The following AGAP1 variants were observed in gnomAD, a reference collection of about 807,000 sequenced individuals.
AGAP1 encodes ArfGAP with GTPase domain, ankyrin repeat and PH domain 1, also known as arf-GAP with GTPase, ANK repeat and PH domain-containing protein 1.
AGAP1 carries 29 observed loss-of-function variants against 105.3 expected under a neutral mutation model. The observed-to-expected ratio is 0.28, with a 90% CI of 0.21 to 0.38. AGAP1 has a LOEUF of 0.38. Ranked by LOEUF, AGAP1 falls within the 10% of genes least tolerant of loss-of-function variation. The pLI is 1.00. For synonymous variants in AGAP1, 509 were observed against 485.9 expected (o/e 1.05, Z -0.63); for missense variants, 998 against 1,165.1 (o/e 0.86, Z 2.09).
Position 236,102,153 on chromosome 2 carries a change from C to T in AGAP1, c.2115-18039C>T, listed in dbSNP as rs372842208. Among the ~76,000 whole-genome samples, 6 of 152,224 alleles carry T rather than the reference C, an allele frequency of 3.9e-5. No individual in the cohort carries two copies. The South Asian group carries it at 1.2e-3, about 32-fold the overall frequency. On this transcript the variant is annotated intron_variant, in intron 16 of 17. Coordinates refer to ENST00000304032, the MANE Select transcript of AGAP1 (RefSeq NM_001037131.3). ...AAAAATTAGGCCGGGCGCGGTGGCT[C>T]ACGCCTGTAATCCCAGCACTTTGGG...
At position 235,965,010 on chromosome 2, in the gene AGAP1, C is replaced by T. The variant is rs2054333112; in HGVS notation, c.1484-3452C>T. On this transcript the variant is annotated intron_variant, in intron 12 of 17. Transcript: ENST00000304032. This position sits in a 1 kb window ranked among gnomAD's most constrained non-coding sequence, Gnocchi z 5.8. ...GCCCGCTCCCACCTCTGCAGTTCCA[C>T]CACAACCAAACTGTCATAGTGCAGG... Among the ~76,000 whole-genome samples the T allele has an allele frequency of 6.6e-6, 1 of 152,192 alleles. No homozygotes were observed. The highest frequency in any genetic ancestry group is 1.5e-5 in the Non-Finnish European group (1 of 68,040).
chr2:235,760,976 G>A (rs1344968049), intron 6 of AGAP1, among the ~76,000 whole-genome samples: 4 of 152,270 alleles, frequency 2.6e-5, no homozygotes, highest in South Asian at 2.1e-4. Context: ...AGGTGGGGGA[G>A]GGAATATCTT....
rs2058098155 is a variant in AGAP1, at chr2:236,058,150, AT to A, written c.2114+8871del. ...AACTCTCTAGGTAATTCTTATGCAC[AT>A]TAAAGTTTGAGACACTCTGGTCTGC... On this transcript the variant is annotated intron_variant, in intron 16 of 17. Coordinates refer to ENST00000304032, the MANE Select transcript of AGAP1 (RefSeq NM_001037131.3). This position sits in a 1 kb window ranked among gnomAD's most constrained non-coding sequence, Gnocchi z 4.6. Among the ~76,000 whole-genome samples, 1 of 152,214 alleles carries A rather than the reference AT, an allele frequency of 6.6e-6. No homozygotes were observed. Among genetic ancestry groups the A allele is most frequent in the Admixed American group, 6.5e-5 (1 of 15,282 alleles).
intron 11 of AGAP1, among the ~76,000 whole-genome samples, chr2:235,914,295 G>A (rs780613554): frequency 6.6e-6 from 1 of 152,094 alleles, no homozygotes; most frequent in African/African-American, 2.4e-5. Flanking sequence ...TGTGCCATTC[G>A]TCTCCATTGT....
chr2:235,802,413 G>C (rs896989237), intron 8 of AGAP1, among the ~76,000 whole-genome samples: 1 of 152,192 alleles, frequency 6.6e-6, no homozygotes, highest in African/African-American at 2.4e-5. Context: ...ACCAGTGTTT[G>C]TTATCTTTCT....
rs111454228 is a variant in AGAP1 at position 235,729,294 on chromosome 2, C to G, written c.310+11650C>G. On this transcript the variant is annotated intron_variant, in intron 3 of 17. Transcript: ENST00000304032. The surrounding 1 kb of genome is among the most constrained non-coding windows in gnomAD (Gnocchi z 5.0). ...TGATTCCCAGGTGTGTTTGGGCCGT[C>G]TAGAACCATGTGACCTGGCAGCCAC... Among the ~76,000 whole-genome samples, 10 of 152,276 alleles carry G rather than the reference C, an allele frequency of 6.6e-5. No individual in the cohort carries two copies. Among genetic ancestry groups the G allele is most frequent in the African/African-American group, 2.2e-4 (9 of 41,516 alleles).
rs1426620512 is a variant in AGAP1 at position 235,723,406 on chromosome 2, G to C, written c.310+5762G>C. Among the ~76,000 whole-genome samples, 3 of 152,222 alleles carry C rather than the reference G, an allele frequency of 2.0e-5. No individual in the cohort carries two copies. Among genetic ancestry groups the C allele is most frequent in the African/African-American group, 4.8e-5 (2 of 41,454 alleles). On this transcript the variant is annotated intron_variant, in intron 3 of 17. Transcript: ENST00000304032. The surrounding 1 kb of genome is among the most constrained non-coding windows in gnomAD (Gnocchi z 6.2). ...AAAGGAAACAAAGCTAGGATGTCCAGTATTATGTGGACATTAGATAGGAAA... is the reference window on the plus strand; with the variant it reads ...AAAGGAAACAAAGCTAGGATGTCCACTATTATGTGGACATTAGATAGGAAA...
chr2:235,592,116 C>G (rs1945363406), intron 1 of AGAP1, among the ~76,000 whole-genome samples: 1 of 152,230 alleles, frequency 6.6e-6, no homozygotes, highest in African/African-American at 2.4e-5. Flanking sequence ...CCCAGGGGCC[C>G]AGGCTTGCCT....
chr2:235,883,271 A>G lies in AGAP1; in HGVS notation c.1051-74A>G. ...GCACACACACAGAACTTGAATGTAT[A>G]TGTTGCCTGTGTACCTGCCTTTTCT... On this transcript the variant is annotated intron_variant, in intron 9 of 17. Coordinates refer to ENST00000304032, the MANE Select transcript of AGAP1 (RefSeq NM_001037131.3). This position sits in a 1 kb window ranked among gnomAD's most constrained non-coding sequence, Gnocchi z 4.5. 7.9e-7 allele frequency: 1 copy of G among 1,273,186 alleles called. No individual in the cohort carries two copies. Among genetic ancestry groups the G allele is most frequent in the Non-Finnish European group, 1.1e-6 (1 of 879,654 alleles). The allele number at this position is 1,273,186 out of a possible 1,614,324, so 78.9% of individuals were successfully genotyped here.
chr2:235,727,060 A>G (rs1020991107), intron 3 of AGAP1, among the ~76,000 whole-genome samples: 2 of 152,142 alleles, frequency 1.3e-5, no homozygotes. Context: ...GATTTTTGTC[A>G]ATAGCTACAG....
intron 1 of AGAP1, among the ~76,000 whole-genome samples, chr2:235,682,016 A>AT (rs1178366820): frequency 1.3e-5 from 2 of 151,322 alleles, no homozygotes; most frequent in East Asian, 2.0e-4. Flanking sequence ...CGCCCAGCTA[A>AT]TTTTTTTTGT....
chr2:236,017,271 C>T (rs965306157), intron 13 of AGAP1, among the ~76,000 whole-genome samples: 12 of 143,016 alleles, frequency 8.4e-5, no homozygotes, highest in East Asian at 8.1e-4. Context: ...GCAGCCTGGA[C>T]GACAGAGCGA....
chr2:235,840,768 G>T (rs1207709016), intron 9 of AGAP1, among the ~76,000 whole-genome samples: 2 of 146,614 alleles, frequency 1.4e-5, no homozygotes, highest in Non-Finnish European at 3.0e-5. Flanking sequence ...AGAAAGAAGA[G>T]TTTTTTTTTT....
chr2:235,717,589 T>C lies in AGAP1; in HGVS notation c.255T>C (p.Ser85=). 1 of 1,603,928 alleles carries C rather than the reference T, an allele frequency of 6.2e-7. No homozygotes were observed. The highest frequency in any genetic ancestry group is 8.5e-7 in the Non-Finnish European group (1 of 1,177,782). ...GIVGNLASGK[S]ALVHRYLTGT... is the part of the protein sequence containing the mutation. ...TGGGTAACTTGGCCAGCGGCAAGTC[T>C]GCCCTGGTGCACCGGTACCTGACGG... Residue 85 remains serine, a synonymous_variant, in exon 3 of 18, where the codon TCT becomes TCC. Transcript: ENST00000304032.
At chr2:235,925,688 T>A (rs1159820481) in intron 11 of AGAP1, among the ~76,000 whole-genome samples, 1 of 152,198 alleles carries the variant, frequency 6.6e-6, no homozygotes, top group Non-Finnish European at 1.5e-5. Flanking sequence ...TTGGTGTCTT[T>A]GTTGACTGTC....
intron 6 of AGAP1, among the ~76,000 whole-genome samples, chr2:235,764,075 G>A (rs184712586): frequency 5.5e-5 from 8 of 146,362 alleles, no homozygotes; most frequent in Admixed American, 5.4e-4. Context: ...TTGCCCATGT[G>A]TGGCTGTGAC....
intron 16 of AGAP1, among the ~76,000 whole-genome samples, chr2:236,072,117 C>T (rs1014998328): frequency 2.1e-5 from 3 of 140,034 alleles, no homozygotes; most frequent in African/African-American, 7.9e-5. Context: ...AAGTAGTCTT[C>T]GTTGTGGGTT....
intron 11 of AGAP1, among the ~76,000 whole-genome samples, chr2:235,914,330 CT>C (rs1380854710): frequency 2.6e-5 from 4 of 152,162 alleles, no homozygotes; most frequent in Non-Finnish European, 4.4e-5. Context: ...TATGCCCACC[CT>C]TGATTAATGC....
intron 9 of AGAP1, among the ~76,000 whole-genome samples, 163 bp downstream of exon 9, chr2:235,807,494 A>G: frequency 6.6e-6 from 1 of 152,278 alleles, no homozygotes; most frequent in East Asian, 1.9e-4. Context: ...GTGTGTATTC[A>G]AATGGGATCA....
Sources: allele counts gnomAD v4.1 joint callset (sites outside exome capture counted in the v4.1 genomes callset), GRCh38; gene constraint gnomAD v4.1.1; non-coding constraint Gnocchi (gnomAD v3.1); transcripts MANE v1.5; gene names NCBI Gene and HGNC (gene_info 2026-07-23, HGNC 2026-07-21).